The following BUB1 variants were observed in gnomAD, a reference collection of about 807,000 sequenced individuals.
The protein encoded by BUB1 is BUB1 mitotic checkpoint serine/threonine kinase.
In BUB1, 84 loss-of-function variants were observed where a neutral mutation model predicts 135.2. That is an observed-to-expected ratio of 0.62 (90% CI 0.52 to 0.74). The LOEUF is 0.74. Ranked by LOEUF, BUB1 falls within the 30% of genes least tolerant of loss-of-function variation. The probability of loss-of-function intolerance (pLI) is 0.00; values close to 1 mark genes in which losing one functional copy is unlikely to be tolerated. For missense variants in BUB1, 1,162 were observed against 1,288.3 expected (o/e 0.90, Z 1.50); for synonymous variants, 403 against 434.4 (o/e 0.93, Z 0.90).
intron 19 of BUB1, 75 bp downstream of exon 19, chr2:110,649,147 TCACACACACACA>T: frequency 3.5e-6 from 4 of 1,137,480 alleles, no homozygotes; most frequent in Non-Finnish European, 4.9e-6. Flanking sequence ...AATAGGAGAA[TCACACACACACA>T]CACACACACA....
chr2:110,659,857 G>A, intron 11 of BUB1, 121 bp downstream of exon 11: 1 of 620,376 alleles, frequency 1.6e-6, no homozygotes, highest in South Asian at 2.8e-5. Context: ...TCTAAGAATA[G>A]GAAATCTAAC....
At chr2:110,673,988 C>A (rs1690502158) in intron 3 of BUB1, 98 bp downstream of exon 3, 2 of 996,044 alleles carry the variant, frequency 2.0e-6, no homozygotes, top group Admixed American at 2.6e-5. Context: ...GAACTAGAAA[C>A]AAGGAATTAA....
chr2:110,658,449 G>C lies in BUB1; in HGVS notation c.1477C>G (p.Leu493Val). 3.1e-6 allele frequency: 5 copies of C among 1,613,968 alleles called. No homozygotes were observed. Among genetic ancestry groups the C allele is most frequent in the Non-Finnish European group, 3.4e-6 (4 of 1,179,974 alleles). Reference protein sequence around the residue: ...ISDDKDEWQSLDQNEDAFEAQ... With the variant: ...ISDDKDEWQSVDQNEDAFEAQ... The stretch of plus-strand genomic sequence containing the variant: ...TCAAATGCATCTTCATTTTGATCTA[G>C]AGATTGCCATTCATCTTTGTCATCA... The change falls in exon 13 of 25, where the codon CTA (leucine) becomes GTA (valine). Residue 493 changes from leucine to valine, a missense_variant. Physicochemically the swap from Leu to Val is conservative, Grantham distance 32. Transcript: ENST00000302759.
intron 4 of BUB1, among the ~76,000 whole-genome samples, chr2:110,671,712 T>C (rs1690428348): frequency 6.6e-6 from 1 of 152,160 alleles, no homozygotes; most frequent in Non-Finnish European, 1.5e-5. Flanking sequence ...ATAGGAAATA[T>C]ACTAAAAAAT....
chr2:110,640,829 A>G (rs144852454), intron 23 of BUB1, among the ~76,000 whole-genome samples: 1 of 152,338 alleles, frequency 6.6e-6, no homozygotes, highest in African/African-American at 2.4e-5. Context: ...TTTCCTGATA[A>G]CAGGATCTAT....
At chr2:110,642,271 C>T in intron 19 of BUB1, 37 bp from the exon 20 acceptor site, 1 of 1,364,982 alleles carries the variant, frequency 7.3e-7, no homozygotes, top group South Asian at 1.3e-5. Flanking sequence ...TTATGTACGC[C>T]TTTTATTTTA....
intron 13 of BUB1, among the ~76,000 whole-genome samples, chr2:110,657,915 G>C (rs1231199659): frequency 3.9e-5 from 6 of 152,172 alleles, no homozygotes; most frequent in Non-Finnish European, 8.8e-5. Context: ...ATTGTCACCT[G>C]ACTCACTCAA....
At chr2:110,666,830 A>C (rs1206681015) in intron 8 of BUB1, among the ~76,000 whole-genome samples, 2 of 152,220 alleles carry the variant, frequency 1.3e-5, no homozygotes, top group Non-Finnish European at 2.9e-5. Flanking sequence ...CTAAATGATC[A>C]GGGCTTCAAG....
intron 19 of BUB1, among the ~76,000 whole-genome samples, chr2:110,647,526 G>A (rs561528001): frequency 2.6e-5 from 4 of 151,326 alleles, no homozygotes; most frequent in Admixed American, 6.6e-5. Context: ...AAAGGAGCAC[G>A]ATAAATAAAA....
At position 110,653,622 on chromosome 2, in the gene BUB1, C is replaced by A. The variant is rs1221194851; in HGVS notation, c.1877-99G>T. On this transcript the variant is annotated intron_variant, in intron 16 of 24. Coordinates refer to ENST00000302759, the MANE Select transcript of BUB1 (RefSeq NM_004336.5). ...TTACAAAGTCTAGGATTTCTTTTGA[C>A]ACTGACTTGCATTATGATTTCAAAA... The A allele has an allele frequency of 5.5e-6, 5 of 916,620 alleles. No individual in the cohort carries two copies. In the East Asian group the frequency reaches 1.3e-4, roughly 24 times the overall value. The allele number at this position is 916,620 out of a possible 1,614,324, so 56.8% of individuals were successfully genotyped here.
At chr2:110,659,810 A>G (rs1690031042) in intron 11 of BUB1, among the ~76,000 whole-genome samples, 168 bp downstream of exon 11, 1 of 152,230 alleles carries the variant, frequency 6.6e-6, no homozygotes, top group Non-Finnish European at 1.5e-5. Flanking sequence ...GGATTTCTAC[A>G]TTTATTTGAA....
At position 110,650,851 on chromosome 2, in the gene BUB1, C is replaced by T. The variant is rs1275334651; in HGVS notation, c.1965-67G>A. 6 of 1,395,792 alleles carry T rather than the reference C, an allele frequency of 4.3e-6. No homozygotes were observed. In the East Asian group the frequency reaches 6.9e-5, roughly 16 times the overall value. 86.5% of individuals were successfully genotyped at this position (1,395,792 alleles called of 1,614,324 possible). On this transcript the variant is annotated intron_variant, in intron 17 of 24. Transcript: ENST00000302759. ...ATTAGAAATCTGTTGGATTCAGTCA[C>T]ATGAAATTCCCTTCTCATTCTAGAA...
At chr2:110,643,693 G>A (rs1689563717) in intron 19 of BUB1, among the ~76,000 whole-genome samples, 1 of 152,144 alleles carries the variant, frequency 6.6e-6, no homozygotes, top group Non-Finnish European at 1.5e-5. Context: ...AGGCTAGAGT[G>A]CAGTAGCATG....
At position 110,666,247 on chromosome 2, in the gene BUB1, G is replaced by A; in HGVS notation, c.957+16C>T. ...TGCTGCTGGGCACAGGATGTGTCATGAGGAGCACAACATACCTCGGACCTT... is the reference window on the plus strand; with the variant it reads ...TGCTGCTGGGCACAGGATGTGTCATAAGGAGCACAACATACCTCGGACCTT... On this transcript the variant is annotated intron_variant, in intron 9 of 24. Coordinates refer to ENST00000302759, the MANE Select transcript of BUB1 (RefSeq NM_004336.5). 7.4e-7 allele frequency: 1 copy of A among 1,352,560 alleles called. No individual in the cohort carries two copies. Among genetic ancestry groups the A allele is most frequent in the East Asian group, 2.7e-5 (1 of 36,620 alleles). 83.8% of individuals were successfully genotyped at this position (1,352,560 alleles called of 1,614,324 possible). A position where few individuals can be genotyped will look rare whatever the true frequency, so the allele number is the denominator to read the frequency against.
rs375454347 is a variant in BUB1 at position 110,677,944 on chromosome 2, C to T, written c.26+26G>A. 40 of 1,604,490 alleles carry T rather than the reference C, an allele frequency of 2.5e-5. No homozygotes were observed. The African/African-American group carries it at 4.4e-4, about 18-fold the overall frequency. Reference sequence around the variant, plus strand: ...CCAGGCGCCCCAGCCCCCTGGGCTTCCCCACCCCACCAGACGGACACTTAC... The same window carrying T: ...CCAGGCGCCCCAGCCCCCTGGGCTTTCCCACCCCACCAGACGGACACTTAC... On this transcript the variant is annotated intron_variant, in intron 1 of 24. Coordinates refer to ENST00000302759, the MANE Select transcript of BUB1 (RefSeq NM_004336.5).
At chr2:110,667,491 G>A (rs372101053) in intron 8 of BUB1, 30 bp downstream of exon 8, 588 of 1,575,832 alleles carry the variant, frequency 3.7e-4, no homozygotes, top group Non-Finnish European at 4.3e-4. Flanking sequence ...TGTGACATAA[G>A]AATAACTAAA....
At chr2:110,660,756 T>G (rs1350630009) in intron 10 of BUB1, 1 of 152,266 alleles carries the variant, frequency 6.6e-6, no homozygotes, top group Non-Finnish European at 1.5e-5. Context: ...GAAGCACTGG[T>G]GCGCCTCAGC....
intron 16 of BUB1, among the ~76,000 whole-genome samples, chr2:110,654,557 G>A (rs767259865): frequency 8.6e-5 from 13 of 151,014 alleles, no homozygotes; most frequent in Non-Finnish European, 1.9e-4. Flanking sequence ...ATACTCTTAA[G>A]AATAGCCAAT....
Position 110,674,197 on chromosome 2 carries a change from A to G in BUB1, c.114T>C (p.Phe38=). 1 of 1,604,856 alleles carries G rather than the reference A, an allele frequency of 6.2e-7. No homozygotes were observed. Among genetic ancestry groups the G allele is most frequent in the Non-Finnish European group, 8.5e-7 (1 of 1,172,632 alleles). ...TTATCAAGTATTCTTTATTCTCAGG[A>G]AAATTCTCTTCTACCCACTGTATGT... ...ERYIQWVEEN[F]PENKEYLITL... The change falls in exon 3 of 25, where the codon TTT becomes TTC. Residue 38 remains phenylalanine (F), a synonymous_variant. Coordinates refer to ENST00000302759, the MANE Select transcript of BUB1 (RefSeq NM_004336.5).
Sources: allele counts gnomAD v4.1 joint callset (sites outside exome capture counted in the v4.1 genomes callset), GRCh38; gene constraint gnomAD v4.1.1; transcripts MANE v1.5; gene names NCBI Gene and HGNC (gene_info 2026-07-23, HGNC 2026-07-21).